Variants in GUCY1B1 observed in about 807,000 individuals in gnomAD.
GUCY1B1 encodes the protein guanylate cyclase soluble subunit beta-1.
In GUCY1B1, 43 loss-of-function variants were observed where a neutral mutation model predicts 71.0. The ratio of observed to expected loss-of-function variants is 0.61; its 90% CI spans 0.47 to 0.78. The LOEUF is 0.78. Ranked by LOEUF, GUCY1B1 falls within the 30% of genes least tolerant of loss-of-function variation. The pLI is 0.00. For missense variants in GUCY1B1, 535 were observed against 754.1 expected (o/e 0.71, Z 3.40); for synonymous variants, 266 against 259.7 (o/e 1.02, Z -0.23).
rs1164623667 is a variant in GUCY1B1 at position 155,802,719 on chromosome 4, T to C, written c.1413+140T>C. 2 of 644,658 alleles carry C rather than the reference T, an allele frequency of 3.1e-6. No homozygotes were observed. Among genetic ancestry groups the C allele is most frequent in the Non-Finnish European group, 5.2e-6 (2 of 383,322 alleles). The allele number at this position is 644,658 out of a possible 1,614,324, so 39.9% of individuals were successfully genotyped here. A position where few individuals can be genotyped will look rare whatever the true frequency, so the allele number is the denominator to read the frequency against. On this transcript the variant is annotated intron_variant, in intron 10 of 13. Coordinates refer to ENST00000264424, the MANE Select transcript of GUCY1B1 (RefSeq NM_000857.5). The surrounding 1 kb of genome is among the most constrained non-coding windows in gnomAD (Gnocchi z 4.3). Reference sequence around the variant, plus strand: ...AGTGAGCCTCCATGTATTCACTCTTTACCATGTTCTTAAATAATTGCCTCT... The same window carrying C: ...AGTGAGCCTCCATGTATTCACTCTTCACCATGTTCTTAAATAATTGCCTCT...
In GUCY1B1 at chr4:155,807,275, C is replaced by G. The variant is rs1409252790; in HGVS notation, c.*866C>G. On this transcript the variant is annotated 3_prime_UTR_variant, in exon 14 of 14. Transcript: ENST00000264424. ...CACTGCTGGGATACTGCTGTTAGAG[C>G]CCTTCTTGGCCTTGTATTCCCAGAA... 6.6e-6 allele frequency: 1 copy of G among 152,124 alleles called. No individual in the cohort carries two copies. The highest frequency in any genetic ancestry group is 2.4e-5 in the African/African-American group (1 of 41,450). The allele number at this position is 152,124 out of a possible 1,614,324, so 9.4% of individuals were successfully genotyped here.
chr4:155,786,522 T>C (rs376096148), intron 4 of GUCY1B1, among the ~76,000 whole-genome samples: 3 of 135,592 alleles, frequency 2.2e-5, no homozygotes, highest in Middle Eastern at 4.6e-3. Flanking sequence ...CAGGCTGGAG[T>C]GCAGTGGCGA....
At chr4:155,797,352 A>G (rs1298261766) in intron 8 of GUCY1B1, among the ~76,000 whole-genome samples, 1 of 152,180 alleles carries the variant, frequency 6.6e-6, no homozygotes, top group Admixed American at 6.5e-5. Flanking sequence ...TGGTCTTAAA[A>G]TTTCTGAAAA....
intron 9 of GUCY1B1, among the ~76,000 whole-genome samples, chr4:155,801,783 A>G (rs558938217): frequency 1.3e-5 from 2 of 152,296 alleles, no homozygotes; most frequent in African/African-American, 2.4e-5. Context: ...AAGAAATACA[A>G]TAATTTATTT....
At chr4:155,779,956 T>A (rs1403741862) in intron 4 of GUCY1B1, among the ~76,000 whole-genome samples, 1 of 152,206 alleles carries the variant, frequency 6.6e-6, no homozygotes, top group Non-Finnish European at 1.5e-5. Flanking sequence ...TTGGGAATTC[T>A]GCCACTTTTC....
rs1488590754 is a variant in GUCY1B1 at position 155,804,780 on chromosome 4, GCAAAGAAAATGTGTCTTTGCAT to G, written c.1709+34_1709+55del. 5.7e-6 allele frequency: 9 copies of G among 1,577,246 alleles called. No homozygotes were observed. In the South Asian group the frequency reaches 6.8e-5, roughly 12 times the overall value. ...AAAATGTCTTGGTATTTACTGATTT[GCAAAGAAAATGTGTCTTTGCAT>G]GTGGTTTAATTCTCTGAGAGATTTT... is the stretch of plus-strand genomic sequence containing the variant. On this transcript the variant is annotated intron_variant, in intron 12 of 13. Transcript: ENST00000264424.
intron 4 of GUCY1B1, among the ~76,000 whole-genome samples, chr4:155,781,788 C>T (rs1304108839): frequency 1.3e-5 from 2 of 151,918 alleles, no homozygotes; most frequent in Non-Finnish European, 2.9e-5. Context: ...CCAGTGAAAG[C>T]ATCAACTTGT....
At chr4:155,771,582 T>C (rs926756409) in intron 2 of GUCY1B1, among the ~76,000 whole-genome samples, 3 of 152,200 alleles carry the variant, frequency 2.0e-5, no homozygotes, top group African/African-American at 7.2e-5. Context: ...AATTAGAATA[T>C]TCTGTCAGAG....
intron 4 of GUCY1B1, among the ~76,000 whole-genome samples, chr4:155,781,357 G>A (rs962732436): frequency 6.6e-6 from 1 of 152,098 alleles, no homozygotes; most frequent in Non-Finnish European, 1.5e-5. Flanking sequence ...CTCACATGGA[G>A]GTTATCATTT....
At chr4:155,780,236 A>T (rs1738320435) in intron 4 of GUCY1B1, among the ~76,000 whole-genome samples, 1 of 152,176 alleles carries the variant, frequency 6.6e-6, no homozygotes, top group Admixed American at 6.5e-5. Context: ...AGTCCAGCCA[A>T]ACTTAACCTC....
In GUCY1B1 at chr4:155,769,894, T is replaced by C. The variant is rs1238725077; in HGVS notation, c.78-5074T>C. 4.6e-5 allele frequency among the ~76,000 whole-genome samples: 7 copies of C among 152,130 alleles called. No homozygotes were observed. The South Asian group carries it at 1.5e-3, about 32-fold the overall frequency. On this transcript the variant is annotated intron_variant, in intron 2 of 13. Coordinates refer to ENST00000264424, the MANE Select transcript of GUCY1B1 (RefSeq NM_000857.5). ...TAATTACATAATAATAATGTAACAA[T>C]GTATACATAATGCAACAATTTAAAC...
chr4:155,802,093 T>C lies in GUCY1B1; in HGVS notation c.1176-249T>C. 1 of 719,184 alleles carries C rather than the reference T, an allele frequency of 1.4e-6. No homozygotes were observed. Among genetic ancestry groups the C allele is most frequent in the Non-Finnish European group, 2.2e-6 (1 of 451,814 alleles). The allele number at this position is 719,184 out of a possible 1,614,324, so 44.6% of individuals were successfully genotyped here. A position where few individuals can be genotyped will look rare whatever the true frequency, so the allele number is the denominator to read the frequency against. ...TTTTGTCTGTTTGCTTGGCTTATTT[T>C]GATTTGGTTTGAACTAGTTTGGGCT... On this transcript the variant is annotated intron_variant, in intron 9 of 13. Coordinates refer to ENST00000264424, the MANE Select transcript of GUCY1B1 (RefSeq NM_000857.5). The surrounding 1 kb of genome is among the most constrained non-coding windows in gnomAD (Gnocchi z 4.3).
chr4:155,777,732 A>C, intron 4 of GUCY1B1, 90 bp downstream of exon 4: 3 of 649,958 alleles, frequency 4.6e-6, no homozygotes, highest in South Asian at 4.1e-5. Flanking sequence ...TCAGCTGTAC[A>C]AGAGTGTCTT....
intron 2 of GUCY1B1, among the ~76,000 whole-genome samples, chr4:155,765,237 C>T (rs927029165): frequency 2.0e-5 from 3 of 152,092 alleles, no homozygotes; most frequent in African/African-American, 7.2e-5. Context: ...GAATAAGGGG[C>T]TCTAGCAAAT....
At chr4:155,784,351 T>C (rs909523828) in intron 4 of GUCY1B1, among the ~76,000 whole-genome samples, 2 of 152,182 alleles carry the variant, frequency 1.3e-5, no homozygotes, top group Admixed American at 1.3e-4. Flanking sequence ...TCCAATCTCA[T>C]GCTATTTACT....
intron 4 of GUCY1B1, among the ~76,000 whole-genome samples, chr4:155,781,556 T>C (rs1476800807): frequency 6.6e-6 from 1 of 151,890 alleles, no homozygotes; most frequent in Non-Finnish European, 1.5e-5. Context: ...AAGTCCTAAA[T>C]GGATAAATAA....
intron 2 of GUCY1B1, among the ~76,000 whole-genome samples, chr4:155,768,557 C>T (rs1238414128): frequency 2.0e-5 from 3 of 149,712 alleles, no homozygotes; most frequent in Admixed American, 1.3e-4. Flanking sequence ...TTATTAAGCA[C>T]ATGTGCACCT....
intron 8 of GUCY1B1, among the ~76,000 whole-genome samples, chr4:155,797,828 A>G (rs1739667034): frequency 6.6e-6 from 1 of 151,278 alleles, no homozygotes; most frequent in South Asian, 2.1e-4. Flanking sequence ...ATATAAGAAT[A>G]ATATATCAGA....
At position 155,804,534 on chromosome 4, in the gene GUCY1B1, A is replaced by T. The variant is rs1221131396; in HGVS notation, c.1555-59A>T. On this transcript the variant is annotated intron_variant, in intron 11 of 13. Coordinates refer to ENST00000264424, the MANE Select transcript of GUCY1B1 (RefSeq NM_000857.5). ...TGCCAGAACTTAAAGTAAAATAAAAAAAAAAAAATTCATGTGTTAGTGATC... is the reference window on the plus strand; with the variant it reads ...TGCCAGAACTTAAAGTAAAATAAAATAAAAAAAATTCATGTGTTAGTGATC... 15 of 1,426,314 alleles carry T rather than the reference A, an allele frequency of 1.1e-5. No individual in the cohort carries two copies. The East Asian group carries it at 1.1e-4, about 11-fold the overall frequency. The allele number at this position is 1,426,314 out of a possible 1,614,324, so 88.4% of individuals were successfully genotyped here.
Sources: allele counts gnomAD v4.1 joint callset (sites outside exome capture counted in the v4.1 genomes callset), GRCh38; gene constraint gnomAD v4.1.1; non-coding constraint Gnocchi (gnomAD v3.1); transcripts MANE v1.5; gene names NCBI Gene and HGNC (gene_info 2026-07-23, HGNC 2026-07-21).